Variants in TSPAN12 observed in about 807,000 individuals in gnomAD.
The protein encoded by TSPAN12 is tetraspanin 12, also known as tetraspanin-12.
In TSPAN12, 19 loss-of-function variants were observed where a neutral mutation model predicts 39.2. The observed-to-expected ratio is 0.49, with a 90% CI of 0.34 to 0.71. TSPAN12 has a LOEUF of 0.71. Among genes scored for constraint, TSPAN12 ranks in the 30% least tolerant of loss-of-function variants. The pLI is 0.01. For synonymous variants in TSPAN12, 119 were observed against 124.8 expected, an observed-to-expected ratio of 0.95 and a Z score of 0.31; for missense variants, 314 against 359.9, an observed-to-expected ratio of 0.87 and a Z score of 1.03.
intron 4 of TSPAN12, 61 bp downstream of exon 4, chr7:120,838,716 A>G: frequency 6.4e-7 from 1 of 1,557,474 alleles, no homozygotes; most frequent in East Asian, 2.3e-5. Flanking sequence ...AACTGATTAA[A>G]AAATAATATA....
chr7:120,857,483 T>C (rs1250581141), intron 1 of TSPAN12: 1 of 127,378 alleles, frequency 7.9e-6, no homozygotes. Flanking sequence ...CCCAGAATGA[T>C]GGATTAGCCT....
intron 3 of TSPAN12, among the ~76,000 whole-genome samples, chr7:120,839,231 A>C (rs1794534632): frequency 6.6e-6 from 1 of 152,196 alleles, no homozygotes; most frequent in Admixed American, 6.5e-5. Context: ...TAGCCTAAGT[A>C]AATCACATGG....
intron 4 of TSPAN12, among the ~76,000 whole-genome samples, chr7:120,818,750 GCTA>G (rs1397439824): frequency 6.6e-6 from 1 of 151,972 alleles, no homozygotes; most frequent in African/African-American, 2.4e-5. Context: ...CATTTTGTAA[GCTA>G]CTTTTATTTT....
At chr7:120,845,625 C>T (rs1794656496) in intron 2 of TSPAN12, among the ~76,000 whole-genome samples, 1 of 152,210 alleles carries the variant, frequency 6.6e-6, no homozygotes, top group African/African-American at 2.4e-5. Flanking sequence ...GGGAACAATG[C>T]CACAAGTCTC....
At chr7:120,835,219 C>T (rs1423998881) in intron 4 of TSPAN12, among the ~76,000 whole-genome samples, 1 of 152,076 alleles carries the variant, frequency 6.6e-6, no homozygotes, top group Non-Finnish European at 1.5e-5. Context: ...TGGGAAAAGT[C>T]TATTAGAGAC....
intron 7 of TSPAN12, among the ~76,000 whole-genome samples, chr7:120,799,534 TTATATATAATTA>T (rs1306444540): frequency 0.017 from 1,922 of 111,734 alleles, 59 homozygotes; most frequent in African/African-American, 0.063. Flanking sequence ...TTATATATAA[TTATATATAATTA>T]TATATATAAT....
At chr7:120,825,043 C>T (rs566579731) in intron 4 of TSPAN12, among the ~76,000 whole-genome samples, 12 of 152,252 alleles carry the variant, frequency 7.9e-5, no homozygotes, top group African/African-American at 2.9e-4. Context: ...TACCTCACCA[C>T]AAATAGAAAA....
chr7:120,800,099 G>A (rs917339030), intron 7 of TSPAN12, among the ~76,000 whole-genome samples: 1 of 151,640 alleles, frequency 6.6e-6, no homozygotes, highest in Non-Finnish European at 1.5e-5. Context: ...AAATAATATT[G>A]GTTATAAAAC....
At chr7:120,824,276 C>CAA (rs56316348) in intron 4 of TSPAN12, among the ~76,000 whole-genome samples, 29,304 of 124,342 alleles carry the variant, frequency 0.24, 3,144 homozygotes, top group African/African-American at 0.26. Flanking sequence ...ACTAAAAATG[C>CAA]AAAAAAAAAA....
In TSPAN12 at chr7:120,820,018, T is replaced by C. The variant is rs143782170; in HGVS notation, c.286-4215A>G. Among the ~76,000 whole-genome samples, 28 of 152,254 alleles carry C rather than the reference T, an allele frequency of 1.8e-4. No homozygotes were observed. The East Asian group carries it at 5.4e-3, about 29-fold the overall frequency. On this transcript the variant is annotated intron_variant, in intron 4 of 7. Transcript: ENST00000222747. Reference sequence around the variant, plus strand: ...TCAATGTCACTACACAGACACCTATTGTCTTCAACATTACTGGGAACAGGT... The same window carrying C: ...TCAATGTCACTACACAGACACCTATCGTCTTCAACATTACTGGGAACAGGT...
At chr7:120,801,138 A>C (rs962776796) in intron 7 of TSPAN12, among the ~76,000 whole-genome samples, 1 of 152,068 alleles carries the variant, frequency 6.6e-6, no homozygotes, top group Non-Finnish European at 1.5e-5. Flanking sequence ...TTCTTTAGCA[A>C]CATGAGCTAC....
At chr7:120,841,095 G>C (rs1340025332) in intron 2 of TSPAN12, among the ~76,000 whole-genome samples, 1 of 152,152 alleles carries the variant, frequency 6.6e-6, no homozygotes, top group Non-Finnish European at 1.5e-5. Context: ...TAAATGAAAG[G>C]CTGGTGGGAA....
At chr7:120,812,348 G>C (rs1243747565) in intron 5 of TSPAN12, among the ~76,000 whole-genome samples, 1 of 152,158 alleles carries the variant, frequency 6.6e-6, no homozygotes, top group African/African-American at 2.4e-5. Context: ...TGGGAAACTG[G>C]ATGGACATTC....
chr7:120,810,032 T>C (rs1793947162), intron 6 of TSPAN12, among the ~76,000 whole-genome samples: 1 of 152,120 alleles, frequency 6.6e-6, no homozygotes, highest in African/African-American at 2.4e-5. Flanking sequence ...TCTGAACAGA[T>C]CATGCCATTA....
intron 5 of TSPAN12, among the ~76,000 whole-genome samples, chr7:120,811,952 A>G (rs1793992345): frequency 6.6e-6 from 1 of 152,202 alleles, no homozygotes; most frequent in Admixed American, 6.5e-5. Context: ...GGTACAGTGT[A>G]CACTGCTCAG....
Position 120,856,838 on chromosome 7 carries a change from AG to A in TSPAN12, c.-70-6del. The stretch of plus-strand genomic sequence containing the variant: ...CAAGGGCAAAACGGCAGCGATCTGC[AG>A]GGGGCGGGGGAGAGAGAACACGGGA... On this transcript the variant is annotated splice_polypyrimidine_tract_variant and splice_region_variant and intron_variant, in intron 1 of 7. Coordinates refer to ENST00000222747, the MANE Select transcript of TSPAN12 (RefSeq NM_012338.4). 1 of 1,512,030 alleles carries A rather than the reference AG, an allele frequency of 6.6e-7. No homozygotes were observed. The highest frequency in any genetic ancestry group is 9.2e-7 in the Non-Finnish European group (1 of 1,088,196). The allele number at this position is 1,512,030 out of a possible 1,614,324, so 93.7% of individuals were successfully genotyped here.
At chr7:120,806,522 T>C (rs1467119033) in intron 7 of TSPAN12, 27 bp downstream of exon 7, 4 of 1,608,690 alleles carry the variant, frequency 2.5e-6, no homozygotes, top group Non-Finnish European at 3.4e-6. Flanking sequence ...CATTTATCCA[T>C]AATAAATTAA....
chr7:120,794,441 C>T (rs1442262093), intron 7 of TSPAN12, among the ~76,000 whole-genome samples: 1 of 152,072 alleles, frequency 6.6e-6, no homozygotes, highest in Non-Finnish European at 1.5e-5. Context: ...ACGGAGTTCT[C>T]CCAAGATCTG....
chr7:120,815,086 C>T (rs1187596720), intron 5 of TSPAN12, among the ~76,000 whole-genome samples: 4 of 152,056 alleles, frequency 2.6e-5, no homozygotes, highest in Admixed American at 2.6e-4. Context: ...AGAACATATA[C>T]TATATTTAGT....
Sources: gnomAD v4.1 joint callset for allele counts (sites outside exome capture counted in the v4.1 genomes callset) on GRCh38, gnomAD v4.1.1 for gene constraint, MANE v1.5 for transcripts, NCBI Gene and HGNC (gene_info 2026-07-23, HGNC 2026-07-21) for gene names.